Variants in FRMPD1 observed in about 807,000 individuals in gnomAD.
The protein encoded by FRMPD1 is FERM and PDZ domain containing 1.
In FRMPD1, 76 loss-of-function variants were observed where a neutral mutation model predicts 117.8. The observed-to-expected ratio is 0.65, with a 90% CI of 0.54 to 0.78. FRMPD1 has a LOEUF of 0.78. Ranked by LOEUF, FRMPD1 falls within the 30% of genes least tolerant of loss-of-function variation. The probability of loss-of-function intolerance (pLI) is 0.00; values close to 1 mark genes in which losing one functional copy is unlikely to be tolerated. For synonymous variants in FRMPD1, 783 were observed against 770.4 expected, an observed-to-expected ratio of 1.02 and a Z score of -0.27; for missense variants, 1,786 against 1,964.5, an observed-to-expected ratio of 0.91 and a Z score of 1.72.
intron 1 of FRMPD1, among the ~76,000 whole-genome samples, chr9:37,678,595 T>G (rs1178222720): frequency 6.6e-6 from 1 of 152,162 alleles, no homozygotes; most frequent in Non-Finnish European, 1.5e-5. Context: ...AATTTCCTTT[T>G]TTGTTCATTG....
chr9:37,629,115 C>T, the FRMPD1 span, among the ~76,000 whole-genome samples: 1 of 152,094 alleles, frequency 6.6e-6, no homozygotes, highest in Non-Finnish European at 1.5e-5. Context: ...AGGAGAATCG[C>T]TTGAACTCGG....
At chr9:37,735,312 A>C (rs1365727205) in intron 12 of FRMPD1, among the ~76,000 whole-genome samples, 1 of 152,166 alleles carries the variant, frequency 6.6e-6, no homozygotes, top group African/African-American at 2.4e-5. Context: ...ATAGGTGTGA[A>C]AATACAGATG....
chr9:37,744,100 G>A (rs528036051), intron 15 of FRMPD1, among the ~76,000 whole-genome samples: 1 of 151,992 alleles, frequency 6.6e-6, no homozygotes, highest in Admixed American at 6.5e-5. Context: ...TGAGGCAGGA[G>A]AATTGCTTGA....
At chr9:37,637,847 C>T in the FRMPD1 span, among the ~76,000 whole-genome samples, 525 of 151,986 alleles carry the variant, frequency 3.5e-3, 4 homozygotes, top group Non-Finnish European at 5.6e-3. Flanking sequence ...AATGGTTGCG[C>T]GGATAGTGAG....
At chr9:37,674,637 C>G (rs1821463706) in intron 1 of FRMPD1, among the ~76,000 whole-genome samples, 1 of 152,192 alleles carries the variant, frequency 6.6e-6, no homozygotes, top group African/African-American at 2.4e-5. Flanking sequence ...ATTGGACTTA[C>G]AGTTCCACAT....
chr9:37,627,788 T>C, the FRMPD1 span, among the ~76,000 whole-genome samples: 27 of 152,372 alleles, frequency 1.8e-4, no homozygotes, highest in East Asian at 4.2e-3. Context: ...TGGTGAAGGA[T>C]TCTTACTTAG....
chr9:37,739,862 A>T (rs1824297782), intron 14 of FRMPD1, among the ~76,000 whole-genome samples: 1 of 152,178 alleles, frequency 6.6e-6, no homozygotes, highest in African/African-American at 2.4e-5. Flanking sequence ...CCTTTAGCTC[A>T]GAGAGATGTG....
At chr9:37,663,126 G>A (rs1821049700) in intron 1 of FRMPD1, among the ~76,000 whole-genome samples, 1 of 152,142 alleles carries the variant, frequency 6.6e-6, no homozygotes, top group South Asian at 2.1e-4. Context: ...TGACAGCCTA[G>A]GGGTATAAGA....
Position 37,653,505 on chromosome 9 carries a change from C to T in FRMPD1, c.-5+2411C>T, listed in dbSNP as rs62534446. ...TTTGTTATTTGGAAGGTGTTCAGAT[C>T]AGATACTAACATCAACAACAGGCAA... On this transcript the variant is annotated intron_variant, in intron 1 of 15. Transcript: ENST00000377765. Among the ~76,000 whole-genome samples, 639 of 152,230 alleles carry T rather than the reference C, an allele frequency of 4.2e-3. 2 individuals carry two copies. The highest frequency in any genetic ancestry group is 0.027 in the Middle Eastern group (8 of 294).
intron 1 of FRMPD1, among the ~76,000 whole-genome samples, chr9:37,680,721 AG>A (rs1311961897): frequency 1.3e-5 from 2 of 152,200 alleles, no homozygotes; most frequent in Non-Finnish European, 2.9e-5. Context: ...AAAGGCTCAG[AG>A]AACCTAGAGA....
chr9:37,706,077 C>T (rs1822695492), intron 2 of FRMPD1, among the ~76,000 whole-genome samples: 1 of 152,128 alleles, frequency 6.6e-6, no homozygotes, highest in Non-Finnish European at 1.5e-5. Context: ...TCTTCCCTCT[C>T]ATTAGGTCTC....
rs772745763 is a variant in FRMPD1, at chr9:37,719,193, G to A, written c.516+17G>A. On this transcript the variant is annotated intron_variant, in intron 6 of 15. Transcript: ENST00000377765. ...CACAGCCAGGTGTGTCACTAGTCAA[G>A]GGATTGAAATTATGAAGCTGGCGAG... is the stretch of plus-strand genomic sequence containing the variant. 2.7e-6 allele frequency: 4 copies of A among 1,496,080 alleles called. No homozygotes were observed. The highest frequency in any genetic ancestry group is 3.3e-5 in the Admixed American group (2 of 59,852). 92.7% of individuals were successfully genotyped at this position (1,496,080 alleles called of 1,614,324 possible).
chr9:37,743,325 A>G (rs1824510185), intron 15 of FRMPD1, among the ~76,000 whole-genome samples: 1 of 152,184 alleles, frequency 6.6e-6, no homozygotes, highest in South Asian at 2.1e-4. Flanking sequence ...GCAGCACTGA[A>G]TGGCACCATT....
intron 15 of FRMPD1, among the ~76,000 whole-genome samples, chr9:37,741,828 C>T (rs968567009): frequency 1.7e-4 from 26 of 152,248 alleles, no homozygotes; most frequent in African/African-American, 5.8e-4. Context: ...TCTTTCTGAC[C>T]GAAACACTCC....
rs1824681122 is a variant in FRMPD1 at position 37,745,801 on chromosome 9, C to T, written c.3769C>T (p.Pro1257Ser). The T allele has an allele frequency of 1.2e-6, 2 of 1,613,970 alleles. No homozygotes were observed. The highest frequency in any genetic ancestry group is 2.7e-5 in the African/African-American group (2 of 74,914). Residue 1257 changes from proline to serine, a missense_variant, in exon 16 of 16, where the codon CCA becomes TCA. Physicochemically the swap from Pro to Ser is moderately conservative, Grantham distance 74. Coordinates refer to ENST00000377765, the MANE Select transcript of FRMPD1 (RefSeq NM_014907.3). ...CTGTTTTAATCCTGAGCCTTCCCTG[C>T]CAGAACCACTACCATGTCCACAAGA... ...WVCFNPEPSL[P>S]EPLPCPQEDP... is the part of the protein sequence containing the mutation.
chr9:37,667,603 G>A (rs894800093), intron 1 of FRMPD1, among the ~76,000 whole-genome samples: 11 of 151,676 alleles, frequency 7.3e-5, no homozygotes, highest in Middle Eastern at 3.4e-3. Flanking sequence ...GCTTGAACCC[G>A]GGAGGCGGAG....
intron 1 of FRMPD1, among the ~76,000 whole-genome samples, chr9:37,683,507 G>A (rs887655020): frequency 6.6e-6 from 1 of 152,218 alleles, no homozygotes; most frequent in Non-Finnish European, 1.5e-5. Flanking sequence ...GTACACTACT[G>A]TGCCTGTTCA....
intron 5 of FRMPD1, among the ~76,000 whole-genome samples, chr9:37,713,001 CAT>C (rs1822967610): frequency 6.6e-6 from 1 of 151,738 alleles, no homozygotes; most frequent in Non-Finnish European, 1.5e-5. Flanking sequence ...AAAAAAATAA[CAT>C]AAAAGGAGAT....
the FRMPD1 span, among the ~76,000 whole-genome samples, chr9:37,609,637 C>T: frequency 1.3e-5 from 2 of 152,196 alleles, no homozygotes; most frequent in African/African-American, 4.8e-5. Context: ...CCGCCCTCAC[C>T]CCCTTCAAGT....
Sources: gnomAD v4.1 joint callset for allele counts (sites outside exome capture counted in the v4.1 genomes callset) on GRCh38, gnomAD v4.1.1 for gene constraint, MANE v1.5 for transcripts, NCBI Gene and HGNC (gene_info 2026-07-23, HGNC 2026-07-21) for gene names.